The following CTRB1 variants were observed in gnomAD, a reference collection of about 807,000 sequenced individuals.
CTRB1 encodes chymotrypsinogen B.
CTRB1 carries 15 observed loss-of-function variants against 20.4 expected under a neutral mutation model. The ratio of observed to expected loss-of-function variants is 0.74; its 90% CI spans 0.49 to 1.13. The LOEUF (loss-of-function observed/expected upper bound fraction) is 1.13, where lower values mean the gene tolerates loss of function less well. Ranked by LOEUF, CTRB1 falls within the 50% of genes most tolerant of loss-of-function variation. The pLI is 0.00. For missense variants in CTRB1, 227 were observed against 290.1 expected, an observed-to-expected ratio of 0.78 and a Z score of 1.58; for synonymous variants, 92 against 128.4, an observed-to-expected ratio of 0.72 and a Z score of 1.92.
chr16:75,219,428 A>G (rs954244336), intron 1 of CTRB1, among the ~76,000 whole-genome samples: 18 of 149,610 alleles, frequency 1.2e-4, no homozygotes, highest in African/African-American at 3.9e-4. Context: ...TTTCACTCCT[A>G]TTGCCGAGGC....
intron 6 of CTRB1, among the ~76,000 whole-genome samples, chr16:75,224,391 G>C (rs1055150109): frequency 1.1e-4 from 17 of 152,202 alleles, no homozygotes; most frequent in South Asian, 2.1e-4. Context: ...GATCCCAGCA[G>C]GACAGCGGGC....
intron 1 of CTRB1, among the ~76,000 whole-genome samples, chr16:75,220,296 G>A (rs957689138): frequency 6.6e-6 from 1 of 152,094 alleles, no homozygotes; most frequent in African/African-American, 2.4e-5. Flanking sequence ...CATTTCTCCT[G>A]CCTCAGCCTA....
At chr16:75,219,390 T>G (rs758272632) in intron 1 of CTRB1, among the ~76,000 whole-genome samples, 14 of 151,484 alleles carry the variant, frequency 9.2e-5, no homozygotes, top group African/African-American at 2.9e-4. Flanking sequence ...TTTCTTCCTT[T>G]CTTTCTTTTT....
intron 1 of CTRB1, among the ~76,000 whole-genome samples, chr16:75,219,329 C>G (rs918594450): frequency 6.6e-6 from 1 of 152,000 alleles, no homozygotes; most frequent in African/African-American, 2.4e-5. Context: ...CCCAGGAGAC[C>G]TCCCAAGGCC....
intron 1 of CTRB1, among the ~76,000 whole-genome samples, chr16:75,220,822 G>T (rs2039072699): frequency 6.6e-6 from 1 of 151,914 alleles, no homozygotes; most frequent in African/African-American, 2.4e-5. Flanking sequence ...GCAGTGGCAT[G>T]ATTTCGGCTC....
At position 75,223,531 on chromosome 16, in the gene CTRB1, CCAGA is replaced by C. The variant is rs1418425411; in HGVS notation, c.403_406del (p.Thr135CysfsTer62). 15 of 679,768 alleles carry C rather than the reference CCAGA, an allele frequency of 2.2e-5. No individual in the cohort carries two copies. The highest frequency in any genetic ancestry group is 3.6e-5 in the South Asian group (2 of 56,146). 42.1% of individuals were successfully genotyped at this position (679,768 alleles called of 1,614,324 possible). On this transcript the variant is annotated frameshift_variant, in exon 5 of 7. Coordinates refer to ENST00000361017, the MANE Select transcript of CTRB1 (RefSeq NM_001906.6). LOFTEE classifies it high-confidence loss of function. ...AGCTGGCCACACCTGCCCGCTTCTC[CCAGA>C]CAGTGTCCGCCGTGTGCCTGCCCAG...
At position 75,224,586 on chromosome 16, in the gene CTRB1, A is replaced by G. The variant is rs1335355973; in HGVS notation, c.631-119A>G. The G allele has an allele frequency of 5.8e-6, 7 of 1,211,566 alleles. No homozygotes were observed. In the South Asian group the frequency reaches 8.8e-5, roughly 15 times the overall value. 75.1% of individuals were successfully genotyped at this position (1,211,566 alleles called of 1,614,324 possible). On this transcript the variant is annotated intron_variant, in intron 6 of 6. Transcript: ENST00000361017. Reference sequence around the variant, plus strand: ...TCTTTCATAACCCACGCAACAGCACATGCTGAGCCTTTGCTGTGTGTGGGG... The same window carrying G: ...TCTTTCATAACCCACGCAACAGCACGTGCTGAGCCTTTGCTGTGTGTGGGG...
chr16:75,219,914 C>T (rs1436439677), intron 1 of CTRB1, among the ~76,000 whole-genome samples: 1 of 152,176 alleles, frequency 6.6e-6, no homozygotes, highest in Admixed American at 6.5e-5. Flanking sequence ...AATTGTACTA[C>T]ATATTTTTAT....
chr16:75,222,670 T>A, intron 1 of CTRB1, 98 bp from the exon 2 acceptor site: 1 of 1,356,518 alleles, frequency 7.4e-7, no homozygotes, highest in Non-Finnish European at 1.0e-6. Context: ...CTGAGCTGGC[T>A]TCAGTGGACT....
At chr16:75,221,495 G>C (rs1157711405) in intron 1 of CTRB1, among the ~76,000 whole-genome samples, 1 of 152,128 alleles carries the variant, frequency 6.6e-6, no homozygotes, top group African/African-American at 2.4e-5. Context: ...AAGTAGCTGG[G>C]ATTGTAGGCC....
chr16:75,222,674 G>A (rs539540969), intron 1 of CTRB1, 94 bp from the exon 2 acceptor site: 5 of 1,387,336 alleles, frequency 3.6e-6, no homozygotes, highest in East Asian at 5.0e-5. Flanking sequence ...GCTGGCTTCA[G>A]TGGACTGGGG....
chr16:75,222,030 C>T (rs995413115), intron 1 of CTRB1, among the ~76,000 whole-genome samples: 2 of 141,476 alleles, frequency 1.4e-5, no homozygotes, highest in Non-Finnish European at 3.0e-5. Context: ...CACTGTACTC[C>T]AGCCTGGGCA....
chr16:75,224,746 C>T lies in CTRB1; in HGVS notation c.672C>T (p.Ala224=). 1 of 1,613,718 alleles carries T rather than the reference C, an allele frequency of 6.2e-7. No homozygotes were observed. Among genetic ancestry groups the T allele is most frequent in the Non-Finnish European group, 8.5e-7 (1 of 1,179,974 alleles). Residue 224 remains alanine, a synonymous_variant, in exon 7 of 7, where the codon GCC becomes GCT. Coordinates refer to ENST00000361017, the MANE Select transcript of CTRB1 (RefSeq NM_001906.6). The part of the protein sequence containing the change: ...GGPLVCQKDG[A]WTLVGIVSWG... ...CCCTGGTCTGCCAAAAGGATGGAGCCTGGACCCTGGTGGGCATTGTGTCCT... is the reference window on the plus strand; with the variant it reads ...CCCTGGTCTGCCAAAAGGATGGAGCTTGGACCCTGGTGGGCATTGTGTCCT...
At position 75,224,737 on chromosome 16, in the gene CTRB1, G is replaced by A. The variant is rs1466388863; in HGVS notation, c.663G>A (p.Lys221=). 6.2e-7 allele frequency: 1 copy of A among 1,613,236 alleles called. No individual in the cohort carries two copies. Among genetic ancestry groups the A allele is most frequent in the East Asian group, 2.2e-5 (1 of 44,866 alleles). The stretch of plus-strand genomic sequence containing the variant: ...CTGGCGGCCCCCTGGTCTGCCAAAA[G>A]GATGGAGCCTGGACCCTGGTGGGCA... ...GDSGGPLVCQ[K]DGAWTLVGIV... Residue 221 remains lysine (K), a synonymous_variant, in exon 7 of 7, where the codon AAG becomes AAA. Coordinates refer to ENST00000361017, the MANE Select transcript of CTRB1 (RefSeq NM_001906.6).
chr16:75,224,203 G>C lies in CTRB1; in HGVS notation c.630+15G>C. 7.7e-6 allele frequency: 11 copies of C among 1,420,250 alleles called. No individual in the cohort carries two copies. Among genetic ancestry groups the C allele is most frequent in the Non-Finnish European group, 1.0e-5 (11 of 1,066,894 alleles). The allele number at this position is 1,420,250 out of a possible 1,614,324, so 88.0% of individuals were successfully genotyped here. A position where few individuals can be genotyped will look rare whatever the true frequency, so the allele number is the denominator to read the frequency against. ...CCTCCTGCATGGTGAGGCTGGCCCT[G>C]CCCAGGCCCTGGCCAGGCGAGCGGG... On this transcript the variant is annotated intron_variant, in intron 6 of 6. Coordinates refer to ENST00000361017, the MANE Select transcript of CTRB1 (RefSeq NM_001906.6).
At chr16:75,222,161 G>GAA (rs34600337) in intron 1 of CTRB1, among the ~76,000 whole-genome samples, 3,270 of 142,838 alleles carry the variant, frequency 0.023, 38 homozygotes, top group Non-Finnish European at 0.029. Context: ...ACCCTAACTG[G>GAA]AAAAAAAAAA....
chr16:75,224,534 C>T (rs957721634), intron 6 of CTRB1, among the ~76,000 whole-genome samples, 171 bp from the exon 7 acceptor site: 1 of 152,232 alleles, frequency 6.6e-6, no homozygotes, highest in African/African-American at 2.4e-5. Context: ...CTTCCAGGGG[C>T]ATGAACCACA....
chr16:75,219,183 G>A (rs1459238683), intron 1 of CTRB1, 124 bp downstream of exon 1: 2 of 996,040 alleles, frequency 2.0e-6, no homozygotes, highest in Non-Finnish European at 2.9e-6. Context: ...GAGGGCTCAG[G>A]AGAGGGTGCA....
At chr16:75,222,010 A>G (rs917645188) in intron 1 of CTRB1, among the ~76,000 whole-genome samples, 2 of 149,858 alleles carry the variant, frequency 1.3e-5, no homozygotes, top group Non-Finnish European at 3.0e-5. Flanking sequence ...GCAGTGAGCC[A>G]AGATTGTGCC....
Sources: allele counts gnomAD v4.1 joint callset (sites outside exome capture counted in the v4.1 genomes callset), GRCh38; gene constraint gnomAD v4.1.1; transcripts MANE v1.5; gene names NCBI Gene and HGNC (gene_info 2026-07-23, HGNC 2026-07-21).